Variants in ANXA8 observed in about 807,000 individuals in gnomAD.
ANXA8 encodes the protein VAC-beta.
A neutral mutation model predicts 26.8 loss-of-function variants in ANXA8; 9 were observed. The ratio of observed to expected loss-of-function variants is 0.34; its 90% CI spans 0.20 to 0.59. The LOEUF is 0.59. Among genes scored for constraint, ANXA8 ranks in the 20% least tolerant of loss-of-function variants. The pLI, the probability that ANXA8 is intolerant of heterozygous loss-of-function variation, is 0.84. For missense variants in ANXA8, 83 were observed against 238.5 expected (o/e 0.35, Z 4.29); for synonymous variants, 39 against 94.8 (o/e 0.41, Z 3.42).
At chr10:47,484,366 G>A (rs1466594968), upstream of ANXA8, 26 of 848,848 alleles carry the variant, frequency 3.1e-5, no homozygotes, top group Admixed American at 4.2e-4. Flanking sequence ...TTACAGGCAT[G>A]AGCCACCGCA....
At chr10:47,943,861 G>T in the ANXA8 span, among the ~76,000 whole-genome samples, 1 of 147,810 alleles carries the variant, frequency 6.8e-6, no homozygotes, top group Admixed American at 6.7e-5. Flanking sequence ...GTGTGCTCCT[G>T]CCTGGTCCGG....
chr10:47,645,085 A>G, the ANXA8 span, among the ~76,000 whole-genome samples: 1 of 151,778 alleles, frequency 6.6e-6, no homozygotes, highest in Admixed American at 6.6e-5. Flanking sequence ...CCTAGTGATT[A>G]TACTTTCTTC....
chr10:47,735,750 C>T, the ANXA8 span, among the ~76,000 whole-genome samples: 1 of 151,642 alleles, frequency 6.6e-6, no homozygotes, highest in Non-Finnish European at 1.5e-5. Flanking sequence ...AGTGATCCTC[C>T]TGCCTCAGCC....
At chr10:47,521,738 C>T in the ANXA8 span, among the ~76,000 whole-genome samples, 9 of 151,296 alleles carry the variant, frequency 5.9e-5, no homozygotes, top group East Asian at 1.6e-3. Flanking sequence ...CGGCTCCCAT[C>T]CCCTGCCTCT....
At chr10:47,680,565 G>A in the ANXA8 span, among the ~76,000 whole-genome samples, 1 of 151,834 alleles carries the variant, frequency 6.6e-6, no homozygotes, top group African/African-American at 2.4e-5. Context: ...AACCTGGGAG[G>A]CAGAGGTTGC....
the ANXA8 span, among the ~76,000 whole-genome samples, chr10:47,555,947 G>T: frequency 6.6e-6 from 1 of 151,880 alleles, no homozygotes; most frequent in African/African-American, 2.4e-5. Flanking sequence ...TAATAGCAGA[G>T]AATGAAAAAG....
chr10:47,487,205 T>G (rs1399718514), upstream of ANXA8: 1 of 810,578 alleles, frequency 1.2e-6, no homozygotes, highest in Non-Finnish European at 1.9e-6. Context: ...TGGGAATAAA[T>G]CCAGCGCTCA....
At chr10:47,697,206 T>C in the ANXA8 span, among the ~76,000 whole-genome samples, 1 of 152,208 alleles carries the variant, frequency 6.6e-6, no homozygotes, top group Non-Finnish European at 1.5e-5. Flanking sequence ...CCCTCTTACT[T>C]CCAGTCTTTG....
the ANXA8 span, among the ~76,000 whole-genome samples, chr10:47,990,958 C>T: frequency 0.04 from 5,989 of 149,342 alleles, 215 homozygotes; most frequent in East Asian, 0.2. Flanking sequence ...TTCCTCCAGG[C>T]TCTAGCAGGC....
At chr10:47,896,082 A>C in the ANXA8 span, among the ~76,000 whole-genome samples, 1 of 150,450 alleles carries the variant, frequency 6.6e-6, no homozygotes, top group African/African-American at 2.5e-5. Flanking sequence ...TATGAGACAA[A>C]ATACTACACA....
chr10:47,568,941 C>CA, the ANXA8 span, among the ~76,000 whole-genome samples: 40 of 8,896 alleles, frequency 4.5e-3, 10 homozygotes, highest in African/African-American at 7.7e-3. Context: ...GACTTTGTCT[C>CA]AAAAAAAAAA....
chr10:47,554,831 C>A, the ANXA8 span, among the ~76,000 whole-genome samples: 3 of 151,910 alleles, frequency 2.0e-5, no homozygotes, highest in Non-Finnish European at 4.4e-5. Flanking sequence ...TCCCTTATCC[C>A]TGAAGAGCTT....
chr10:47,544,161 C>A, the ANXA8 span, among the ~76,000 whole-genome samples: 1 of 151,758 alleles, frequency 6.6e-6, no homozygotes, highest in Non-Finnish European at 1.5e-5. Context: ...CATCCTGTAG[C>A]CTTAAATGCT....
chr10:47,758,093 TG>T, the ANXA8 span: 80 of 901,580 alleles, frequency 8.9e-5, no homozygotes, highest in Admixed American at 1.0e-4. Context: ...GCTGGACACC[TG>T]GGGGGGACAA....
At chr10:47,941,470 C>G in the ANXA8 span, among the ~76,000 whole-genome samples, 1 of 146,660 alleles carries the variant, frequency 6.8e-6, no homozygotes, top group Non-Finnish European at 1.5e-5. Flanking sequence ...GCCTGGCCAA[C>G]ATGGTGAAAC....
the ANXA8 span, among the ~76,000 whole-genome samples, chr10:47,522,066 C>T: frequency 9.3e-5 from 14 of 150,700 alleles, no homozygotes; most frequent in African/African-American, 2.2e-4. Flanking sequence ...GGATTACAGG[C>T]GTGAGCCACC....
At chr10:47,626,390 GGAAA>G in the ANXA8 span, among the ~76,000 whole-genome samples, 2 of 150,158 alleles carry the variant, frequency 1.3e-5, 1 homozygote, top group African/African-American at 5.1e-5. Context: ...TACCTAATGT[GGAAA>G]GAAATATCCT....
chr10:47,679,042 CAAAA>C, the ANXA8 span, among the ~76,000 whole-genome samples: 4 of 65,124 alleles, frequency 6.1e-5, no homozygotes, highest in Non-Finnish European at 8.5e-5. Flanking sequence ...GAACCTATCT[CAAAA>C]AAAAAAAAAA....
At chr10:47,743,895 G>A in the ANXA8 span, among the ~76,000 whole-genome samples, 2 of 139,808 alleles carry the variant, frequency 1.4e-5, 1 homozygote. Context: ...AAGTTTGTCA[G>A]TCAGCACCCT....
Sources: allele counts gnomAD v4.1 joint callset (sites outside exome capture counted in the v4.1 genomes callset), GRCh38; gene constraint gnomAD v4.1.1; transcripts MANE v1.5; gene names NCBI Gene and HGNC (gene_info 2026-07-23, HGNC 2026-07-21).